DNAJC1: variants seen among roughly 807,000 people sequenced by gnomAD.
DNAJC1 encodes the protein dnaJ homolog subfamily C member 1.
In DNAJC1, 58 loss-of-function variants were observed where a neutral mutation model predicts 76.6. The ratio of observed to expected loss-of-function variants is 0.76; its 90% CI spans 0.61 to 0.94. The LOEUF (loss-of-function observed/expected upper bound fraction) is 0.94. Ranked by LOEUF, DNAJC1 falls within the 40% of genes least tolerant of loss-of-function variation. The pLI, the probability that DNAJC1 is intolerant of heterozygous loss-of-function variation, is 0.00. For synonymous variants in DNAJC1, 258 were observed against 267.9 expected, an observed-to-expected ratio of 0.96 and a Z score of 0.36; for missense variants, 689 against 677.3, an observed-to-expected ratio of 1.02 and a Z score of -0.19.
chr10:21,850,993 C>G (rs1361293013), intron 8 of DNAJC1, among the ~76,000 whole-genome samples: 1 of 152,024 alleles, frequency 6.6e-6, no homozygotes, highest in Non-Finnish European at 1.5e-5. Flanking sequence ...TAACTCACAC[C>G]ACAAATAAAA....
intron 1 of DNAJC1, among the ~76,000 whole-genome samples, chr10:21,975,817 T>C (rs1197778268): frequency 6.6e-6 from 1 of 152,206 alleles, no homozygotes; most frequent in African/African-American, 2.4e-5. Context: ...AGAAACACTT[T>C]CAAAGGAAGA....
At chr10:21,892,308 A>T (rs1191399608) in intron 7 of DNAJC1, among the ~76,000 whole-genome samples, 3 of 151,822 alleles carry the variant, frequency 2.0e-5, no homozygotes, top group East Asian at 1.9e-4. Context: ...CTAACATATC[A>T]ATCACTATAT....
At chr10:21,847,943 T>C (rs1564806922) in intron 8 of DNAJC1, among the ~76,000 whole-genome samples, 1 of 152,188 alleles carries the variant, frequency 6.6e-6, no homozygotes, top group South Asian at 2.1e-4. Flanking sequence ...ATCACTTTGA[T>C]ACCCTGGTTT....
At chr10:21,957,998 T>C (rs992274641) in intron 1 of DNAJC1, among the ~76,000 whole-genome samples, 3 of 152,210 alleles carry the variant, frequency 2.0e-5, no homozygotes, top group Admixed American at 2.0e-4. Flanking sequence ...TGGGCTTTAC[T>C]GTAATATTCA....
chr10:21,818,563 C>T (rs1302706443), intron 8 of DNAJC1, among the ~76,000 whole-genome samples: 1 of 152,116 alleles, frequency 6.6e-6, no homozygotes, highest in African/African-American at 2.4e-5. Context: ...TAAAAATTTG[C>T]TGGTTTTGCA....
rs1164610574 is a variant in DNAJC1, at chr10:21,756,568, A to T, written c.*119T>A. The T allele has an allele frequency of 1.0e-5, 7 of 672,100 alleles. No homozygotes were observed. Among genetic ancestry groups the T allele is most frequent in the African/African-American group, 5.5e-5 (3 of 54,880 alleles). 41.6% of individuals were successfully genotyped at this position (672,100 alleles called of 1,614,324 possible). A position where few individuals can be genotyped will look rare whatever the true frequency, so the allele number is the denominator to read the frequency against. The stretch of plus-strand genomic sequence containing the variant: ...AACACTCATCTTTTATTTATTTATT[A>T]TTTTTTTTTACTAAGGCACATGACG... On this transcript the variant is annotated 3_prime_UTR_variant, in exon 12 of 12. Coordinates refer to ENST00000376980, the MANE Select transcript of DNAJC1 (RefSeq NM_022365.4).
intron 9 of DNAJC1, among the ~76,000 whole-genome samples, chr10:21,805,422 T>G (rs1564792325): frequency 6.9e-6 from 1 of 145,496 alleles, no homozygotes; most frequent in Non-Finnish European, 1.5e-5. Flanking sequence ...TAATTTATCT[T>G]TTAAATGTTA....
intron 8 of DNAJC1, among the ~76,000 whole-genome samples, chr10:21,817,405 T>C (rs1835093635): frequency 6.6e-6 from 1 of 152,176 alleles, no homozygotes; most frequent in African/African-American, 2.4e-5. Flanking sequence ...AGTCCTATCA[T>C]GACTTGTAGT....
intron 9 of DNAJC1, among the ~76,000 whole-genome samples, chr10:21,768,552 G>C (rs777809880): frequency 3.3e-5 from 5 of 152,134 alleles, no homozygotes; most frequent in South Asian, 2.1e-4. Context: ...GACAGTAAAG[G>C]CTCAGTAAAT....
rs369309953 is a variant in DNAJC1, at chr10:21,845,905, T to C, written c.978+36377A>G. ...AAATGAGTCTATATTAAATTTTACC[T>C]ATTTGAATTAAGAAACTTTTGAAAA... On this transcript the variant is annotated intron_variant, in intron 8 of 11. Transcript: ENST00000376980. 2.6e-5 allele frequency among the ~76,000 whole-genome samples: 4 copies of C among 152,292 alleles called. No individual in the cohort carries two copies. In the East Asian group the frequency reaches 7.7e-4, roughly 29 times the overall value.
intron 1 of DNAJC1, among the ~76,000 whole-genome samples, chr10:21,956,203 G>A (rs545282313): frequency 1.3e-5 from 2 of 152,154 alleles, no homozygotes; most frequent in Admixed American, 6.5e-5. Flanking sequence ...AAGGGAAGAG[G>A]GCTGAACTTA....
intron 8 of DNAJC1, among the ~76,000 whole-genome samples, chr10:21,846,378 C>A (rs1272565131): frequency 6.6e-6 from 1 of 151,798 alleles, no homozygotes; most frequent in Non-Finnish European, 1.5e-5. Context: ...CAAAAAAAAA[C>A]CAAAGGTTTA....
At chr10:21,820,631 C>G (rs6482192) in intron 8 of DNAJC1, among the ~76,000 whole-genome samples, 11,222 of 152,196 alleles carry the variant, frequency 0.074, 1,336 homozygotes, top group African/African-American at 0.25. Flanking sequence ...AGTGTCAGAT[C>G]CCACAGGACT....
intron 9 of DNAJC1, among the ~76,000 whole-genome samples, chr10:21,772,762 C>T (rs1247984665): frequency 1.3e-5 from 2 of 152,026 alleles, no homozygotes; most frequent in Non-Finnish European, 2.9e-5. Context: ...AGTCCGCTCT[C>T]ACATGGCTAT....
intron 6 of DNAJC1, among the ~76,000 whole-genome samples, chr10:21,918,346 T>C (rs1460496719): frequency 1.3e-5 from 2 of 150,850 alleles, no homozygotes; most frequent in African/African-American, 4.9e-5. Context: ...ATATATATTT[T>C]GGTACAATTA....
chr10:21,870,731 C>T (rs1054345464), intron 8 of DNAJC1, among the ~76,000 whole-genome samples: 3 of 151,866 alleles, frequency 2.0e-5, no homozygotes, highest in Admixed American at 6.6e-5. Flanking sequence ...GCTATGGTGG[C>T]GCCACAGCAC....
chr10:21,977,975 T>G (rs1214018471), intron 1 of DNAJC1, among the ~76,000 whole-genome samples: 1 of 152,160 alleles, frequency 6.6e-6, no homozygotes. Flanking sequence ...AATATTTAGA[T>G]GATATTTAAC....
intron 8 of DNAJC1, among the ~76,000 whole-genome samples, chr10:21,866,095 A>G (rs1288552889): frequency 3.3e-5 from 5 of 149,574 alleles, no homozygotes; most frequent in Admixed American, 2.0e-4. Context: ...AGATCACACC[A>G]CTGCATTCCA....
chr10:21,941,377 A>G (rs1256478794), intron 1 of DNAJC1, among the ~76,000 whole-genome samples: 2 of 151,964 alleles, frequency 1.3e-5, no homozygotes, highest in East Asian at 3.9e-4. Context: ...GATTTGTGAC[A>G]ACTAGGGACA....
Sources: allele counts gnomAD v4.1 joint callset (sites outside exome capture counted in the v4.1 genomes callset), GRCh38; gene constraint gnomAD v4.1.1; transcripts MANE v1.5; gene names NCBI Gene and HGNC (gene_info 2026-07-23, HGNC 2026-07-21).